Variants in KIRREL3 observed in about 807,000 individuals in gnomAD.
KIRREL3 encodes the protein kin of IRRE-like protein 3.
KIRREL3 carries 36 observed loss-of-function variants against 89.7 expected under a neutral mutation model. That is an observed-to-expected ratio of 0.40 (90% CI 0.31 to 0.53). The LOEUF (loss-of-function observed/expected upper bound fraction) is 0.53, where lower values mean the gene tolerates loss of function less well. Among genes scored for constraint, KIRREL3 ranks in the 20% least tolerant of loss-of-function variants. KIRREL3 has a pLI of 0.49. For missense variants in KIRREL3, 864 were observed against 1,056.6 expected (o/e 0.82, Z 2.53); for synonymous variants, 445 against 441.4 (o/e 1.01, Z -0.10).
rs10561880 is a variant in KIRREL3 at position 126,998,916 on chromosome 11, AGTGTGTGTGT to A, written c.55+1529_55+1538del. Among the ~76,000 whole-genome samples, 232 of 141,334 alleles carry A rather than the reference AGTGTGTGTGT, an allele frequency of 1.6e-3. 2 individuals carry two copies. Among genetic ancestry groups the A allele is most frequent in the African/African-American group, 5.2e-3 (200 of 38,256 alleles). The allele number at this position is 141,334 out of a possible 152,430, so 92.7% of individuals were successfully genotyped here. On this transcript the variant is annotated intron_variant, in intron 1 of 16. Transcript: ENST00000525144. ...CTGGTAAGAAGCAAAGACGAATGGGAGTGTGTGTGTGTGTGTGTGTGTGTGTGTGTGTGTG... is the reference window on the plus strand; with the variant it reads ...CTGGTAAGAAGCAAAGACGAATGGGAGTGTGTGTGTGTGTGTGTGTGTGTG...
intron 1 of KIRREL3, among the ~76,000 whole-genome samples, chr11:126,927,759 G>A (rs1361162084): frequency 6.6e-6 from 1 of 152,140 alleles, no homozygotes; most frequent in Non-Finnish European, 1.5e-5. Context: ...TATCCACCCG[G>A]GGCTTTCCCA....
chr11:126,720,214 T>C (rs1200543536), intron 1 of KIRREL3, among the ~76,000 whole-genome samples: 1 of 152,210 alleles, frequency 6.6e-6, no homozygotes, highest in African/African-American at 2.4e-5. Flanking sequence ...GGGCTTAATG[T>C]GTTTGTCCAC....
At position 126,430,467 on chromosome 11, in the gene KIRREL3, G is replaced by A. The variant is rs930600458; in HGVS notation, c.1696+952C>T. On this transcript the variant is annotated intron_variant, in intron 14 of 16. Coordinates refer to ENST00000525144, the MANE Select transcript of KIRREL3 (RefSeq NM_032531.4). The surrounding 1 kb of genome is among the most constrained non-coding windows in gnomAD (Gnocchi z 6.6). ...ATAAAAAAAAACCGTATATATATGT[G>A]TATATATGCGTATGTGTATATATTT... Among the ~76,000 whole-genome samples the A allele has an allele frequency of 6.6e-6, 1 of 151,986 alleles. No individual in the cohort carries two copies. The highest frequency in any genetic ancestry group is 6.6e-5 in the Admixed American group (1 of 15,258).
chr11:126,975,914 C>CCCTTCCTCCCTCCCTCCCTCCCTCCCTT (rs1949557798), intron 1 of KIRREL3, among the ~76,000 whole-genome samples: 1 of 75,174 alleles, frequency 1.3e-5, no homozygotes, highest in Non-Finnish European at 2.6e-5. Flanking sequence ...CTTCCTCCCT[C>CCCTTCCTCCCTCCCTCCCTCCCTCCCTT]CCTTCCTCCC....
intron 1 of KIRREL3, among the ~76,000 whole-genome samples, chr11:126,809,547 A>G (rs1444642476): frequency 1.3e-5 from 2 of 152,238 alleles, no homozygotes; most frequent in Non-Finnish European, 2.9e-5. Context: ...AACAAGAACA[A>G]ATTAAATATT....
rs571865491 is a variant in KIRREL3 at position 126,821,711 on chromosome 11, C to T, written c.55+178744G>A. On this transcript the variant is annotated intron_variant, in intron 1 of 16. Coordinates refer to ENST00000525144, the MANE Select transcript of KIRREL3 (RefSeq NM_032531.4). ...ATGAGGAGAGTATCCTGGGCCATCT[C>T]GGTGGCCCAATGTAATCACAGGAGT... Among the ~76,000 whole-genome samples the T allele has an allele frequency of 6.6e-5, 10 of 152,070 alleles. No individual in the cohort carries two copies. In the East Asian group the frequency reaches 1.2e-3, roughly 18 times the overall value.
rs1415468480 is a variant in KIRREL3 at position 126,633,622 on chromosome 11, G to C, written c.56-70710C>G. Reference sequence around the variant, plus strand: ...CTGCCATGAGCGGAAGATTCCTGAAGCCCTCACCAAAAGAAAATGCTGGCA... The same window carrying C: ...CTGCCATGAGCGGAAGATTCCTGAACCCCTCACCAAAAGAAAATGCTGGCA... On this transcript the variant is annotated intron_variant, in intron 1 of 16. Transcript: ENST00000525144. Among the ~76,000 whole-genome samples, 10 of 152,108 alleles carry C rather than the reference G, an allele frequency of 6.6e-5. 1 individual carries two copies. Among genetic ancestry groups the C allele is most frequent in the Admixed American group, 6.5e-4 (10 of 15,274 alleles).
At chr11:126,503,927 C>G (rs569135005) in intron 4 of KIRREL3, among the ~76,000 whole-genome samples, 2 of 152,072 alleles carry the variant, frequency 1.3e-5, no homozygotes, top group African/African-American at 4.8e-5. Flanking sequence ...GCTCCAGACA[C>G]AGTCTGGAGA....
At position 126,653,442 on chromosome 11, in the gene KIRREL3, G is replaced by GGAGATAAT. The variant is rs1944990348; in HGVS notation, c.56-90538_56-90531dup. 6.6e-6 allele frequency among the ~76,000 whole-genome samples: 1 copy of GGAGATAAT among 152,168 alleles called. No individual in the cohort carries two copies. Among genetic ancestry groups the GGAGATAAT allele is most frequent in the Non-Finnish European group, 1.5e-5 (1 of 68,028 alleles). On this transcript the variant is annotated intron_variant, in intron 1 of 16. Transcript: ENST00000525144. The surrounding 1 kb of genome is among the most constrained non-coding windows in gnomAD (Gnocchi z 5.4). ...CGCCTCACCGTCTTTGCTGTAAGATGGAGATAATGATACCTCATGGGGTTG... is the reference window on the plus strand; with the variant it reads ...CGCCTCACCGTCTTTGCTGTAAGATGGAGATAATGAGATAATGATACCTCATGGGGTTG...
At chr11:126,674,764 C>T (rs1946111796) in intron 1 of KIRREL3, among the ~76,000 whole-genome samples, 1 of 152,214 alleles carries the variant, frequency 6.6e-6, no homozygotes, top group African/African-American at 2.4e-5. Context: ...TACTTAATTG[C>T]TGGTCACAGT....
rs954178619 is a variant in KIRREL3, at chr11:126,527,375, C to T, written c.134-688G>A. On this transcript the variant is annotated intron_variant, in intron 2 of 16. Coordinates refer to ENST00000525144, the MANE Select transcript of KIRREL3 (RefSeq NM_032531.4). The surrounding 1 kb of genome is among the most constrained non-coding windows in gnomAD (Gnocchi z 4.2). Reference sequence around the variant, plus strand: ...TTATGGACACCATGCCTCCTCAAAACGAGATGGCCAGAATCATCGAAGAGA... The same window carrying T: ...TTATGGACACCATGCCTCCTCAAAATGAGATGGCCAGAATCATCGAAGAGA... Among the ~76,000 whole-genome samples the T allele has an allele frequency of 2.6e-5, 4 of 152,262 alleles. No individual in the cohort carries two copies. Among genetic ancestry groups the T allele is most frequent in the Middle Eastern group, 3.4e-3 (1 of 294 alleles).
intron 1 of KIRREL3, among the ~76,000 whole-genome samples, chr11:126,956,769 T>C (rs574952024): frequency 6.6e-6 from 1 of 152,316 alleles, no homozygotes; most frequent in African/African-American, 2.4e-5. Flanking sequence ...TCCGAGTGCT[T>C]CAGTTTTCCA....
chr11:126,542,596 G>A (rs1343351579), intron 2 of KIRREL3, among the ~76,000 whole-genome samples: 1 of 152,156 alleles, frequency 6.6e-6, no homozygotes, highest in African/African-American at 2.4e-5. Context: ...TCACCTCTGG[G>A]ACTGGCCCAA....
chr11:126,438,175 TAG>T (rs889577026), intron 11 of KIRREL3, among the ~76,000 whole-genome samples: 1 of 152,198 alleles, frequency 6.6e-6, no homozygotes, highest in African/African-American at 2.4e-5. Context: ...GGGTGTGAGT[TAG>T]GACAGCAGCC....
At position 126,873,091 on chromosome 11, in the gene KIRREL3, C is replaced by T. The variant is rs944482008; in HGVS notation, c.55+127364G>A. Among the ~76,000 whole-genome samples the T allele has an allele frequency of 4.6e-5, 7 of 152,182 alleles. No individual in the cohort carries two copies. The Middle Eastern group carries it at 0.014, about 296-fold the overall frequency. ...TGATATAAATTGTAGCTTTTTAGGA[C>T]GGCTCTGTCAAAAGTGTAATATATC... On this transcript the variant is annotated intron_variant, in intron 1 of 16. Transcript: ENST00000525144.
chr11:126,815,434 G>A (rs956481853), intron 1 of KIRREL3, among the ~76,000 whole-genome samples: 1 of 152,184 alleles, frequency 6.6e-6, no homozygotes, highest in South Asian at 2.1e-4. Context: ...AAGGATAGCC[G>A]CTATTTTGTG....
In KIRREL3 at chr11:126,776,088, T is replaced by C. The variant is rs756312773; in HGVS notation, c.56-213176A>G. On this transcript the variant is annotated intron_variant, in intron 1 of 16. Coordinates refer to ENST00000525144, the MANE Select transcript of KIRREL3 (RefSeq NM_032531.4). The surrounding 1 kb of genome is among the most constrained non-coding windows in gnomAD (Gnocchi z 4.7). ...AGGGAAGTCAGGCCTGGCCTGGGGA[T>C]TGTGGGGTGACCTTCGCTGCAGGGG... Among the ~76,000 whole-genome samples the C allele has an allele frequency of 1.3e-5, 2 of 152,080 alleles. No individual in the cohort carries two copies. Among genetic ancestry groups the C allele is most frequent in the African/African-American group, 2.4e-5 (1 of 41,430 alleles).
In KIRREL3 at chr11:126,708,614, G is replaced by A. The variant is rs570177291; in HGVS notation, c.56-145702C>T. ...AAGGAAGGAGGGCGTTCGGCTCAAC[G>A]TCCAGGAGAGGCACCGGCGAACTCG... On this transcript the variant is annotated intron_variant, in intron 1 of 16. Coordinates refer to ENST00000525144, the MANE Select transcript of KIRREL3 (RefSeq NM_032531.4). The surrounding 1 kb of genome is among the most constrained non-coding windows in gnomAD (Gnocchi z 5.7). Among the ~76,000 whole-genome samples, 4 of 152,260 alleles carry A rather than the reference G, an allele frequency of 2.6e-5. No individual in the cohort carries two copies. The South Asian group carries it at 6.2e-4, about 24-fold the overall frequency.
rs1343824737 is a variant in KIRREL3 at position 126,896,633 on chromosome 11, G to C, written c.55+103822C>G. Among the ~76,000 whole-genome samples, 1 of 152,210 alleles carries C rather than the reference G, an allele frequency of 6.6e-6. No homozygotes were observed. Among genetic ancestry groups the C allele is most frequent in the Non-Finnish European group, 1.5e-5 (1 of 68,040 alleles). On this transcript the variant is annotated intron_variant, in intron 1 of 16. Coordinates refer to ENST00000525144, the MANE Select transcript of KIRREL3 (RefSeq NM_032531.4). The surrounding 1 kb of genome is among the most constrained non-coding windows in gnomAD (Gnocchi z 4.1). The stretch of plus-strand genomic sequence containing the variant: ...CATGGGCTTCAGTGCCCACCATGCA[G>C]TGCATGGGAGACCGAGGGAATGGCT...
Sources: gnomAD v4.1 joint callset for allele counts (sites outside exome capture counted in the v4.1 genomes callset) on GRCh38, gnomAD v4.1.1 for gene constraint, Gnocchi (gnomAD v3.1) non-coding constraint, MANE v1.5 for transcripts, NCBI Gene and HGNC (gene_info 2026-07-23, HGNC 2026-07-21) for gene names.